UBXN7: variants seen among roughly 807,000 people sequenced by gnomAD.
UBXN7 encodes the protein UBX domain-containing protein 7.
Under a neutral mutation model 58.0 loss-of-function variants are expected in UBXN7, and 9 were observed. That is an observed-to-expected ratio of 0.16 (90% CI 0.09 to 0.27). The LOEUF is 0.27. Ranked by LOEUF, UBXN7 falls within the 10% of genes least tolerant of loss-of-function variation. UBXN7 has a pLI of 1.00. For synonymous variants in UBXN7, 208 were observed against 205.0 expected (o/e 1.01, Z -0.12); for missense variants, 328 against 599.6 (o/e 0.55, Z 4.73).
intron 8 of UBXN7, among the ~76,000 whole-genome samples, chr3:196,365,592 A>C (rs1215869380): frequency 6.6e-6 from 1 of 152,136 alleles, no homozygotes; most frequent in Non-Finnish European, 1.5e-5. Flanking sequence ...TAAAACTACT[A>C]AGCCTCTGGC....
rs1437395640 is a variant in UBXN7, at chr3:196,353,526, C to T, written c.*3159G>A. The T allele has an allele frequency of 6.7e-5, 10 of 148,538 alleles. No homozygotes were observed. Among genetic ancestry groups the T allele is most frequent in the Non-Finnish European group, 1.3e-4 (9 of 67,466 alleles). 9.2% of individuals were successfully genotyped at this position (148,538 alleles called of 1,614,324 possible). On this transcript the variant is annotated 3_prime_UTR_variant, in exon 11 of 11. Transcript: ENST00000296328. ...AATTTGAGATGGAGTGTCGCTTTGTCGCCCAGGCTGGAGTGTAATGGTGCG... is the reference window on the plus strand; with the variant it reads ...AATTTGAGATGGAGTGTCGCTTTGTTGCCCAGGCTGGAGTGTAATGGTGCG...
At chr3:196,366,911 G>A (rs923723198) in intron 8 of UBXN7, among the ~76,000 whole-genome samples, 1 of 151,966 alleles carries the variant, frequency 6.6e-6, no homozygotes, top group Non-Finnish European at 1.5e-5. Flanking sequence ...GGACGGGCGC[G>A]TTAGCTCACG....
intron 1 of UBXN7, among the ~76,000 whole-genome samples, chr3:196,409,996 A>G (rs1730275655): frequency 6.7e-6 from 1 of 148,498 alleles, no homozygotes; most frequent in Non-Finnish European, 1.5e-5. Flanking sequence ...GCTGGAGTGT[A>G]ATGGTGCGAT....
Position 196,369,478 on chromosome 3 carries a change from T to A in UBXN7, c.649A>T (p.Ile217Leu). The A allele has an allele frequency of 6.2e-7, 1 of 1,613,510 alleles. No individual in the cohort carries two copies. The highest frequency in any genetic ancestry group is 8.5e-7 in the Non-Finnish European group (1 of 1,179,698). The change falls in exon 7 of 11, where the codon ATA (isoleucine) becomes TTA (leucine). Residue 217 changes from isoleucine (I) to leucine (L), a missense_variant. By Grantham distance (5) the Ile-to-Leu change is conservative. This residue lies in a region of UBXN7 where 126 missense variants were observed against 302.6 expected (regional missense o/e 0.42). Transcript: ENST00000296328. ...YHDSEEGQRY[I>L]QFYKLGDFPY... The stretch of plus-strand genomic sequence containing the variant: ...AAATCCCCTAACTTATAAAACTGTA[T>A]GTATCTCTGACCTTCCTCACTGTCA...
intron 1 of UBXN7, among the ~76,000 whole-genome samples, chr3:196,410,455 T>G (rs531020611): frequency 1.3e-5 from 2 of 152,332 alleles, no homozygotes; most frequent in South Asian, 4.1e-4. Context: ...AACTGATCAT[T>G]ATTCCATTTT....
intron 2 of UBXN7, among the ~76,000 whole-genome samples, chr3:196,403,391 A>G (rs1026379584): frequency 6.6e-6 from 1 of 152,134 alleles, no homozygotes; most frequent in Non-Finnish European, 1.5e-5. Flanking sequence ...CAAACTCTTG[A>G]GCTCAAGCAA....
chr3:196,415,728 G>A (rs1272564079), intron 1 of UBXN7, among the ~76,000 whole-genome samples: 1 of 151,650 alleles, frequency 6.6e-6, no homozygotes, highest in African/African-American at 2.4e-5. Flanking sequence ...GTTGCAGTGA[G>A]CCAAGATTGT....
chr3:196,358,572 C>CA (rs1172488987), intron 10 of UBXN7, among the ~76,000 whole-genome samples: 2 of 151,998 alleles, frequency 1.3e-5, no homozygotes, highest in Non-Finnish European at 2.9e-5. Context: ...CCCTTCTCTA[C>CA]AAAAAAGAAT....
rs1196217403 is a variant in UBXN7, at chr3:196,401,344, CA to C, written c.289+1607del. Among the ~76,000 whole-genome samples, 12 of 111,622 alleles carry C rather than the reference CA, an allele frequency of 1.1e-4. 1 individual carries two copies. The highest frequency in any genetic ancestry group is 4.1e-4 in the African/African-American group (12 of 29,446). 73.2% of individuals were successfully genotyped at this position (111,622 alleles called of 152,430 possible). On this transcript the variant is annotated intron_variant, in intron 3 of 10. Transcript: ENST00000296328. ...ACATATATATATATACACATATATA[CA>C]AAAAATAAAAATTAAAAAAATAAAT... is the stretch of plus-strand genomic sequence containing the variant.
chr3:196,400,808 T>C (rs1158766641), intron 3 of UBXN7: 3 of 286,884 alleles, frequency 1.0e-5, no homozygotes, highest in Non-Finnish European at 2.1e-5. Flanking sequence ...TCAAAAGCAA[T>C]ACAGCACAGA....
intron 1 of UBXN7, among the ~76,000 whole-genome samples, chr3:196,417,157 C>CA (rs1203811792): frequency 3.9e-5 from 6 of 152,138 alleles, no homozygotes; most frequent in Middle Eastern, 3.4e-3. Flanking sequence ...ACTAAAAATA[C>CA]AAAAAATTAG....
chr3:196,351,945 A>C lies in UBXN7; in HGVS notation c.*4740T>G. On this transcript the variant is annotated 3_prime_UTR_variant, in exon 11 of 11. Transcript: ENST00000296328. The stretch of plus-strand genomic sequence containing the variant: ...GGGGGATCAATAGTGAGATCCCCGC[A>C]AGCTAGGAATCTTTACTCCAGGGAT... 6.6e-6 allele frequency: 1 copy of C among 152,144 alleles called. No individual in the cohort carries two copies. The highest frequency in any genetic ancestry group is 1.9e-4 in the East Asian group (1 of 5,196). The allele number at this position is 152,144 out of a possible 1,614,324, so 9.4% of individuals were successfully genotyped here. A position where few individuals can be genotyped will look rare whatever the true frequency, so the allele number is the denominator to read the frequency against.
At position 196,425,062 on chromosome 3, in the gene UBXN7, C is replaced by T. The variant is rs74346856; in HGVS notation, c.73+7265G>A. Among the ~76,000 whole-genome samples, 22 of 152,204 alleles carry T rather than the reference C, an allele frequency of 1.4e-4. No homozygotes were observed. The East Asian group carries it at 4.1e-3, about 28-fold the overall frequency. On this transcript the variant is annotated intron_variant, in intron 1 of 10. Coordinates refer to ENST00000296328, the MANE Select transcript of UBXN7 (RefSeq NM_015562.2). ...GATTTCTCACTCTTCTTTCTAGACC[C>T]AAATATTCATCTGCTTCAACAGCTC... is the stretch of plus-strand genomic sequence containing the variant.
At chr3:196,426,445 T>C (rs1269862683) in intron 1 of UBXN7, among the ~76,000 whole-genome samples, 1 of 151,622 alleles carries the variant, frequency 6.6e-6, no homozygotes, top group East Asian at 1.9e-4. Context: ...TTCTTAAAAT[T>C]CCTGAAGTTT....
intron 1 of UBXN7, among the ~76,000 whole-genome samples, chr3:196,426,624 G>A (rs1263323753): frequency 6.6e-6 from 1 of 152,086 alleles, no homozygotes; most frequent in Non-Finnish European, 1.5e-5. Context: ...CGAAGCAGGA[G>A]GATCACCTGA....
At chr3:196,406,540 A>C (rs1324693727) in intron 2 of UBXN7, among the ~76,000 whole-genome samples, 1 of 151,992 alleles carries the variant, frequency 6.6e-6, no homozygotes, top group Non-Finnish European at 1.5e-5. Context: ...CCTGGGCTCA[A>C]GCAATTCTTG....
intron 5 of UBXN7, among the ~76,000 whole-genome samples, chr3:196,378,860 T>C (rs1327532456): frequency 1.4e-5 from 2 of 145,430 alleles, no homozygotes; most frequent in African/African-American, 5.1e-5. Context: ...TTTTGGGGGA[T>C]TTTAGCCAGC....
At chr3:196,370,247 G>A (rs1728782994) in intron 6 of UBXN7, among the ~76,000 whole-genome samples, 1 of 151,536 alleles carries the variant, frequency 6.6e-6, no homozygotes. Flanking sequence ...GACCAGCCTG[G>A]GCATCTCCAC....
chr3:196,418,799 C>T (rs1461896780), intron 1 of UBXN7, among the ~76,000 whole-genome samples: 1 of 152,146 alleles, frequency 6.6e-6, no homozygotes, highest in Non-Finnish European at 1.5e-5. Flanking sequence ...ACCATAGTAA[C>T]GGAAGTAACA....
Sources: allele counts gnomAD v4.1 joint callset (sites outside exome capture counted in the v4.1 genomes callset), GRCh38; gene constraint gnomAD v4.1.1; regional missense constraint gnomAD v4.1.1; transcripts MANE v1.5; gene names NCBI Gene and HGNC (gene_info 2026-07-23, HGNC 2026-07-21).